TP63: variants seen among roughly 807,000 people sequenced by gnomAD.
The protein encoded by TP63 is tumor protein 63.
In TP63, 17 loss-of-function variants were observed where a neutral mutation model predicts 82.8. The observed-to-expected ratio is 0.21, with a 90% CI of 0.14 to 0.31. The LOEUF (loss-of-function observed/expected upper bound fraction) is 0.31. TP63 is among the 10% of genes least tolerant of loss of function. TP63 has a pLI of 1.00. For synonymous variants in TP63, 330 were observed against 321.7 expected (o/e 1.03, Z -0.28); for missense variants, 648 against 895.3 (o/e 0.72, Z 3.52).
the TP63 span, among the ~76,000 whole-genome samples, chr3:189,609,540 C>T: frequency 6.6e-6 from 1 of 152,016 alleles, no homozygotes; most frequent in African/African-American, 2.4e-5. Context: ...TCCGACCCTC[C>T]CCCTTGAAGT....
chr3:189,615,125 A>G, the TP63 span, among the ~76,000 whole-genome samples: 1 of 152,166 alleles, frequency 6.6e-6, no homozygotes, highest in African/African-American at 2.4e-5. Context: ...GTTTTCCATT[A>G]CTCTTAGAAT....
intron 1 of TP63, among the ~76,000 whole-genome samples, chr3:189,734,078 T>A (rs1720372601): frequency 6.6e-6 from 1 of 151,778 alleles, no homozygotes; most frequent in Non-Finnish European, 1.5e-5. Flanking sequence ...CTTTTCTTTC[T>A]TTCTCTCTTT....
intron 3 of TP63, among the ~76,000 whole-genome samples, chr3:189,784,746 A>G (rs1435023740): frequency 6.6e-6 from 1 of 152,056 alleles, no homozygotes; most frequent in Non-Finnish European, 1.5e-5. Context: ...TCACCCTAAA[A>G]TGGGTGAGAT....
intron 4 of TP63, among the ~76,000 whole-genome samples, chr3:189,820,921 A>T (rs1355211712): frequency 1.3e-5 from 2 of 152,194 alleles, no homozygotes; most frequent in African/African-American, 4.8e-5. Flanking sequence ...AGGAAAGAAG[A>T]TGTCTTACTT....
intron 4 of TP63, among the ~76,000 whole-genome samples, chr3:189,830,637 T>C (rs914693155): frequency 1.3e-5 from 2 of 152,018 alleles, no homozygotes; most frequent in Non-Finnish European, 2.9e-5. Context: ...TGTTGTTTTA[T>C]TATGCCTGTC....
chr3:189,718,322 CA>C (rs1436235114), intron 1 of TP63, among the ~76,000 whole-genome samples: 1 of 151,250 alleles, frequency 6.6e-6, no homozygotes, highest in Admixed American at 6.6e-5. Flanking sequence ...TGGGAATTTA[CA>C]AACAAAAGAG....
the TP63 span, among the ~76,000 whole-genome samples, chr3:189,614,946 C>G: frequency 1.3e-5 from 2 of 152,180 alleles, no homozygotes; most frequent in Non-Finnish European, 2.9e-5. Context: ...GGAATGCATT[C>G]ACAAAGTAGG....
chr3:189,788,354 T>C (rs1724784950), intron 3 of TP63, among the ~76,000 whole-genome samples: 1 of 152,040 alleles, frequency 6.6e-6, no homozygotes, highest in Non-Finnish European at 1.5e-5. Context: ...TTTAAGTGCA[T>C]AAATTTTATG....
At chr3:189,711,241 T>G (rs935960975) in intron 1 of TP63, among the ~76,000 whole-genome samples, 1 of 152,164 alleles carries the variant, frequency 6.6e-6, no homozygotes, top group African/African-American at 2.4e-5. Context: ...CCTTGTGGAA[T>G]TTAGGCCAAG....
At chr3:189,624,706 T>C in the TP63 span, among the ~76,000 whole-genome samples, 2 of 152,192 alleles carry the variant, frequency 1.3e-5, no homozygotes, top group African/African-American at 4.8e-5. Context: ...GGGTTTTGAT[T>C]AAATATTGAT....
At chr3:189,789,397 TA>T (rs1724894422) in intron 3 of TP63, among the ~76,000 whole-genome samples, 1 of 152,010 alleles carries the variant, frequency 6.6e-6, no homozygotes, top group African/African-American at 2.4e-5. Flanking sequence ...GTTTTGTTTT[TA>T]AAAGACAGTG....
intron 3 of TP63, among the ~76,000 whole-genome samples, chr3:189,788,870 A>C (rs1358070331): frequency 6.6e-6 from 1 of 152,004 alleles, no homozygotes; most frequent in East Asian, 1.9e-4. Context: ...TCACAAGCAA[A>C]AATATTAGTA....
At position 189,895,332 on chromosome 3, in the gene TP63, C is replaced by T. The variant is rs1479077854; in HGVS notation, c.*830C>T. The T allele has an allele frequency of 2.7e-5, 6 of 218,704 alleles. No individual in the cohort carries two copies. The highest frequency in any genetic ancestry group is 9.0e-5 in the African/African-American group (4 of 44,508). 13.5% of individuals were successfully genotyped at this position (218,704 alleles called of 1,614,324 possible). On this transcript the variant is annotated 3_prime_UTR_variant, in exon 14 of 14. Coordinates refer to ENST00000264731, the MANE Select transcript of TP63 (RefSeq NM_003722.5). ...CCATAGCAGCCAGTTCAAAAACACC[C>T]GACGTCATGTATTTGAGCATATCAG...
chr3:189,628,810 AT>A (rs1729373884), upstream of TP63, among the ~76,000 whole-genome samples: 2 of 152,020 alleles, frequency 1.3e-5, no homozygotes, highest in Non-Finnish European at 2.9e-5. Context: ...ATTGCCACTT[AT>A]TTTTCACTTG....
chr3:189,879,240 G>T (rs898074972), intron 10 of TP63, among the ~76,000 whole-genome samples: 9 of 152,138 alleles, frequency 5.9e-5, no homozygotes, highest in African/African-American at 1.9e-4. Flanking sequence ...CCTTTGAAAG[G>T]CATAGCCAAA....
intron 4 of TP63, among the ~76,000 whole-genome samples, chr3:189,853,923 T>C (rs767029070): frequency 6.6e-6 from 1 of 152,216 alleles, no homozygotes; most frequent in Non-Finnish European, 1.5e-5. Flanking sequence ...GTTTTTGCTG[T>C]ACTCTGCCTC....
intron 3 of TP63, among the ~76,000 whole-genome samples, chr3:189,750,451 C>CTATAT (rs1231892426): frequency 1.3e-5 from 2 of 152,056 alleles, no homozygotes; most frequent in African/African-American, 4.8e-5. Flanking sequence ...TATATATTTT[C>CTATAT]AAAGTACATA....
At position 189,657,300 on chromosome 3, in the gene TP63, C is replaced by A. The variant is rs142105528; in HGVS notation, c.62+25723C>A. ...TTATGAATTTGTCAAAACCAAGAGA[C>A]CATTACGGCATAAAAAATGAACCTC... On this transcript the variant is annotated intron_variant, in intron 1 of 13. Coordinates refer to ENST00000264731, the MANE Select transcript of TP63 (RefSeq NM_003722.5). Among the ~76,000 whole-genome samples the A allele has an allele frequency of 3.9e-5, 6 of 152,026 alleles. No individual in the cohort carries two copies. In the East Asian group the frequency reaches 9.6e-4, roughly 24 times the overall value.
rs772213320 is a variant in TP63 at position 189,737,877 on chromosome 3, A to G, written c.191+9A>G. ...TGGGATTTTCTGGAACAGTAAGTATAAAACAAGCAAGAAATGTTTTGCTTG... is the reference window on the plus strand; with the variant it reads ...TGGGATTTTCTGGAACAGTAAGTATGAAACAAGCAAGAAATGTTTTGCTTG... On this transcript the variant is annotated intron_variant, in intron 2 of 13. Coordinates refer to ENST00000264731, the MANE Select transcript of TP63 (RefSeq NM_003722.5). 6.2e-7 allele frequency: 1 copy of G among 1,613,818 alleles called. No homozygotes were observed. The highest frequency in any genetic ancestry group is 1.7e-5 in the Admixed American group (1 of 60,016).
Sources: allele counts gnomAD v4.1 joint callset (sites outside exome capture counted in the v4.1 genomes callset), GRCh38; gene constraint gnomAD v4.1.1; transcripts MANE v1.5; gene names NCBI Gene and HGNC (gene_info 2026-07-23, HGNC 2026-07-21).